GRIA3: variants seen among roughly 807,000 people sequenced by gnomAD.
The protein encoded by GRIA3 is glutamate ionotropic receptor AMPA type subunit 3.
GRIA3 carries 3 observed loss-of-function variants against 63.0 expected under a neutral mutation model. The ratio of observed to expected loss-of-function variants is 0.05; its 90% CI spans 0.02 to 0.12. The LOEUF is 0.12. Ranked by LOEUF, GRIA3 falls within the 10% of genes least tolerant of loss-of-function variation. GRIA3 has a pLI of 1.00. For missense variants in GRIA3, 347 were observed against 700.9 expected, an observed-to-expected ratio of 0.50 and a Z score of 5.70; for synonymous variants, 274 against 257.9, an observed-to-expected ratio of 1.06 and a Z score of -0.60.
chrX:123,403,934 G>A (rs2045457131), intron 9 of GRIA3, among the ~76,000 whole-genome samples: 1 of 110,996 alleles, frequency 9.0e-6, no homozygotes, highest in Non-Finnish European at 1.9e-5. Flanking sequence ...GCCTCAGGTT[G>A]TTGTTTCTTC....
At chrX:123,194,737 G>A (rs929266007) in intron 2 of GRIA3, among the ~76,000 whole-genome samples, 4 of 112,229 alleles carry the variant, frequency 3.6e-5, no homozygotes, top group Non-Finnish European at 7.5e-5. Flanking sequence ...CTCAGTTTAG[G>A]AATCACAGGT....
At chrX:123,303,364 G>A (rs757916688) in intron 3 of GRIA3, among the ~76,000 whole-genome samples, 126 of 110,810 alleles carry the variant, frequency 1.1e-3, no homozygotes, top group African/African-American at 3.9e-3. Flanking sequence ...TTTGGGTGAC[G>A]GTGTGATGTA....
At chrX:123,317,038 T>C (rs977731791) in intron 3 of GRIA3, among the ~76,000 whole-genome samples, 25 of 111,369 alleles carry the variant, frequency 2.2e-4, no homozygotes, top group African/African-American at 7.5e-4. Flanking sequence ...CTCAGAATTA[T>C]GGCGGGAGGC....
chrX:123,198,439 T>C, intron 2 of GRIA3, among the ~76,000 whole-genome samples: 1 of 112,190 alleles, frequency 8.9e-6, no homozygotes, highest in Non-Finnish European at 1.9e-5. Context: ...GTGTTCAATA[T>C]ATTAACACAG....
intron 12 of GRIA3, among the ~76,000 whole-genome samples, chrX:123,435,867 G>T (rs1179016087): frequency 8.9e-6 from 1 of 111,891 alleles, no homozygotes; most frequent in East Asian, 2.8e-4. Context: ...AAGAATATTT[G>T]GTCTCAGTTT....
At chrX:123,278,024 C>T in intron 3 of GRIA3, among the ~76,000 whole-genome samples, 1 of 112,028 alleles carries the variant, frequency 8.9e-6, no homozygotes, top group Middle Eastern at 4.6e-3. Context: ...TCATTTTGAA[C>T]AAAATAGTTA....
At chrX:123,297,000 A>G (rs954895246) in intron 3 of GRIA3, among the ~76,000 whole-genome samples, 2 of 111,398 alleles carry the variant, frequency 1.8e-5, no homozygotes. Flanking sequence ...TAGTTTATTA[A>G]ATATATTCAA....
At chrX:123,444,309 A>G (rs984599674) in intron 12 of GRIA3, among the ~76,000 whole-genome samples, 2 of 111,566 alleles carry the variant, frequency 1.8e-5, no homozygotes, top group East Asian at 5.7e-4. Flanking sequence ...AGAAGAGCTC[A>G]AAATTAGGAG....
intron 4 of GRIA3, among the ~76,000 whole-genome samples, chrX:123,353,601 T>C (rs898553868): frequency 2.7e-5 from 3 of 112,185 alleles, no homozygotes; most frequent in African/African-American, 9.7e-5. Context: ...TCTCACTTTG[T>C]TCTAAACCCT....
intron 3 of GRIA3, among the ~76,000 whole-genome samples, chrX:123,312,230 T>C (rs1364331760): frequency 8.9e-6 from 1 of 111,825 alleles, no homozygotes; most frequent in African/African-American, 3.3e-5. Context: ...AGTCAAAAAA[T>C]GATTTAAATT....
At chrX:123,345,475 C>CACACAT (rs2045041395) in intron 4 of GRIA3, among the ~76,000 whole-genome samples, 4 of 108,316 alleles carry the variant, frequency 3.7e-5, no homozygotes, top group African/African-American at 1.4e-4. Context: ...CACACACACA[C>CACACAT]ACACACACAC....
chrX:123,432,786 A>T (rs1178912661), intron 12 of GRIA3, among the ~76,000 whole-genome samples: 1 of 112,082 alleles, frequency 8.9e-6, no homozygotes, highest in Non-Finnish European at 1.9e-5. Context: ...TGGTTTGACA[A>T]AGGTTTTCAG....
At chrX:123,264,749 T>C (rs1362782321) in intron 3 of GRIA3, among the ~76,000 whole-genome samples, 1 of 112,257 alleles carries the variant, frequency 8.9e-6, no homozygotes, top group Non-Finnish European at 1.9e-5. Flanking sequence ...CTAGTCTTTA[T>C]AGGCCAAGGT....
At chrX:123,376,398 C>A (rs1273866701) in intron 5 of GRIA3, among the ~76,000 whole-genome samples, 1 of 112,351 alleles carries the variant, frequency 8.9e-6, no homozygotes, top group East Asian at 2.8e-4. Flanking sequence ...TACACCCTTA[C>A]ATCCTGGGTA....
intron 15 of GRIA3, among the ~76,000 whole-genome samples, chrX:123,486,043 CAGGAAGAAAG>C (rs1396783884): frequency 2.0e-5 from 2 of 100,015 alleles, no homozygotes; most frequent in Non-Finnish European, 4.0e-5. Flanking sequence ...GATAGAGATA[CAGGAAGAAAG>C]AGGAAGAAAG....
At chrX:123,469,807 C>A (rs1418716290) in intron 13 of GRIA3, among the ~76,000 whole-genome samples, 2 of 112,076 alleles carry the variant, frequency 1.8e-5, no homozygotes, top group Admixed American at 1.9e-4. Flanking sequence ...AGAACTACCA[C>A]ATAGGCACAT....
chrX:123,367,417 C>CT (rs1335591824), intron 5 of GRIA3, among the ~76,000 whole-genome samples: 6 of 108,724 alleles, frequency 5.5e-5, no homozygotes, highest in East Asian at 5.7e-4. Flanking sequence ...TGGGTTCTCT[C>CT]TTTTTTTTGT....
chrX:123,215,727 C>T (rs1190914437), intron 2 of GRIA3, among the ~76,000 whole-genome samples: 3 of 111,780 alleles, frequency 2.7e-5, no homozygotes, highest in Admixed American at 9.5e-5. Flanking sequence ...AAAATGGGAA[C>T]TCTTTTTCTG....
At chrX:123,231,662 G>T (rs1327601022) in intron 2 of GRIA3, among the ~76,000 whole-genome samples, 1 of 111,199 alleles carries the variant, frequency 9.0e-6, no homozygotes, top group African/African-American at 3.3e-5. Flanking sequence ...TGAAAGATAA[G>T]GGCAAGTTCC....
Sources: allele counts gnomAD v4.1 joint callset (sites outside exome capture counted in the v4.1 genomes callset), GRCh38; gene constraint gnomAD v4.1.1; transcripts MANE v1.5; gene names NCBI Gene and HGNC (gene_info 2026-07-23, HGNC 2026-07-21).